The following RAPGEF6 variants were observed in gnomAD, a reference collection of about 807,000 sequenced individuals.
RAPGEF6 encodes the protein Rap guanine nucleotide exchange factor 6.
Under a neutral mutation model 171.4 loss-of-function variants are expected in RAPGEF6, and 56 were observed. That is an observed-to-expected ratio of 0.33 (90% CI 0.26 to 0.41). The LOEUF is 0.41. RAPGEF6 is among the 10% of genes least tolerant of loss of function. RAPGEF6 has a pLI of 1.00. For missense variants in RAPGEF6, 1,674 were observed against 1,921.4 expected, an observed-to-expected ratio of 0.87 and a Z score of 2.41; for synonymous variants, 692 against 650.1, an observed-to-expected ratio of 1.06 and a Z score of -0.98.
intron 17 of RAPGEF6, among the ~76,000 whole-genome samples, chr5:131,471,795 T>A (rs1754758791): frequency 6.6e-6 from 1 of 152,124 alleles, no homozygotes; most frequent in African/African-American, 2.4e-5. Flanking sequence ...CAATGAAAAT[T>A]ATGCTATAAC....
chr5:131,507,670 T>C (rs1051980726), intron 9 of RAPGEF6, among the ~76,000 whole-genome samples: 4 of 152,150 alleles, frequency 2.6e-5, no homozygotes, highest in Non-Finnish European at 5.9e-5. Context: ...TTCTTTTAAA[T>C]GTATAATAGA....
intron 6 of RAPGEF6, among the ~76,000 whole-genome samples, chr5:131,521,905 TCA>T (rs1580963358): frequency 8.1e-6 from 1 of 122,812 alleles, no homozygotes; most frequent in Non-Finnish European, 1.9e-5. Flanking sequence ...TCTCTCTCTC[TCA>T]CACACACACT....
intron 1 of RAPGEF6, among the ~76,000 whole-genome samples, chr5:131,612,049 T>C (rs977761708): frequency 3.9e-5 from 6 of 152,076 alleles, no homozygotes; most frequent in African/African-American, 1.4e-4. Context: ...TTGTTTTGCT[T>C]TTAGAGACGG....
intron 3 of RAPGEF6, among the ~76,000 whole-genome samples, chr5:131,593,602 T>TA (rs1402547789): frequency 2.0e-5 from 3 of 152,220 alleles, no homozygotes; most frequent in Non-Finnish European, 4.4e-5. Flanking sequence ...TGATAAGTGA[T>TA]ATAAACAATG....
At chr5:131,490,571 A>G (rs1756213297) in intron 14 of RAPGEF6, among the ~76,000 whole-genome samples, 1 of 152,224 alleles carries the variant, frequency 6.6e-6, no homozygotes. Flanking sequence ...AAAGGTACCT[A>G]CAAAAGAAGC....
At chr5:131,627,672 G>C (rs1766021459) in intron 1 of RAPGEF6, among the ~76,000 whole-genome samples, 1 of 152,166 alleles carries the variant, frequency 6.6e-6, no homozygotes. Context: ...ACGCAAAGAA[G>C]TACAGGCATA....
intron 13 of RAPGEF6, among the ~76,000 whole-genome samples, chr5:131,494,466 G>C (rs901250005): frequency 6.6e-6 from 1 of 152,140 alleles, no homozygotes; most frequent in Non-Finnish European, 1.5e-5. Context: ...TTGATATTTA[G>C]GATATGCACT....
chr5:131,608,427 C>T (rs952057183), intron 1 of RAPGEF6, among the ~76,000 whole-genome samples: 2 of 152,100 alleles, frequency 1.3e-5, no homozygotes, highest in Admixed American at 1.3e-4. Flanking sequence ...TCTATTAACT[C>T]TTTTTTTGAC....
In RAPGEF6 at chr5:131,442,439, G is replaced by C. The variant is rs550941224; in HGVS notation, c.3520C>G (p.Gln1174Glu). The C allele has an allele frequency of 9.3e-6, 15 of 1,614,212 alleles. No individual in the cohort carries two copies. In the South Asian group the frequency reaches 1.6e-4, roughly 18 times the overall value. The change falls in exon 23 of 28, where the codon CAA becomes GAA. Residue 1174 changes from glutamine to glutamate, a missense_variant. By Grantham distance (29) the Gln-to-Glu change is conservative. This residue lies in a region of RAPGEF6 where 552 missense variants were observed against 574.2 expected (regional missense o/e 0.96). Coordinates refer to ENST00000509018, the MANE Select transcript of RAPGEF6 (RefSeq NM_016340.6). ...AGCACCTGGCTTACTCTGTGGGGTT[G>C]ATGCAAGTGGGCTTTAGTTGTTTGG... ...AGQTTKAHLH[Q>E]PHRVSQVLQV...
intron 6 of RAPGEF6, among the ~76,000 whole-genome samples, chr5:131,537,240 C>T (rs1461758280): frequency 3.3e-5 from 5 of 152,092 alleles, no homozygotes; most frequent in Admixed American, 6.5e-5. Flanking sequence ...AAAAGTCTTC[C>T]TAATTCTGGT....
In RAPGEF6 at chr5:131,464,212, T is replaced by C. The variant is rs769555814; in HGVS notation, c.2309A>G (p.Asp770Gly). 1.2e-6 allele frequency: 2 copies of C among 1,613,862 alleles called. No individual in the cohort carries two copies. The highest frequency in any genetic ancestry group is 4.5e-5 in the East Asian group (2 of 44,836). The change falls in exon 18 of 28, where the codon GAC becomes GGC. Residue 770 changes from aspartate (D) to glycine (G), a missense_variant. Asp to Gly is a moderately conservative substitution (Grantham distance 94). Coordinates refer to ENST00000509018, the MANE Select transcript of RAPGEF6 (RefSeq NM_016340.6). Reference sequence around the variant, plus strand: ...AAAAACTACTTCTTTAGCTGTGGTGTCTTTACTGATGATAATGTAGCAACT... The same window carrying C: ...AAAAACTACTTCTTTAGCTGTGGTGCCTTTACTGATGATAATGTAGCAACT... ...QQSCYIIISK[D>G]TTAKEVVFHA...
intron 1 of RAPGEF6, among the ~76,000 whole-genome samples, chr5:131,606,127 C>T (rs1021900344): frequency 1.3e-5 from 2 of 151,284 alleles, no homozygotes; most frequent in Non-Finnish European, 1.5e-5. Flanking sequence ...CTGTATGAGG[C>T]CAAGGTGGGT....
intron 16 of RAPGEF6, among the ~76,000 whole-genome samples, chr5:131,479,032 C>T (rs1208721117): frequency 6.6e-6 from 1 of 151,992 alleles, no homozygotes; most frequent in Admixed American, 6.5e-5. Context: ...TTTTACAGAC[C>T]TTAATTTACA....
intron 4 of RAPGEF6, among the ~76,000 whole-genome samples, chr5:131,574,065 C>T (rs1226999220): frequency 6.6e-6 from 1 of 152,168 alleles, no homozygotes; most frequent in Non-Finnish European, 1.5e-5. Context: ...ATGTCTCCAG[C>T]ATACAAAACC....
chr5:131,586,626 A>G (rs1763274086), intron 4 of RAPGEF6, among the ~76,000 whole-genome samples: 1 of 152,176 alleles, frequency 6.6e-6, no homozygotes, highest in African/African-American at 2.4e-5. Context: ...GTAAGACTCT[A>G]TCTTAAAAAA....
Position 131,549,378 on chromosome 5 carries a change from A to G in RAPGEF6, c.352-1188T>C, listed in dbSNP as rs748437173. Reference sequence around the variant, plus strand: ...CACCCAAACACAGTGGTGCCCCCTTATCTGAGGGGGATACATTCCATGATC... The same window carrying G: ...CACCCAAACACAGTGGTGCCCCCTTGTCTGAGGGGGATACATTCCATGATC... On this transcript the variant is annotated intron_variant, in intron 5 of 27. Transcript: ENST00000509018. 1.4e-4 allele frequency among the ~76,000 whole-genome samples: 21 copies of G among 152,248 alleles called. 1 individual carries two copies. In the Middle Eastern group the frequency reaches 0.027, roughly 197 times the overall value.
intron 1 of RAPGEF6, among the ~76,000 whole-genome samples, chr5:131,611,412 G>T (rs1263970113): frequency 6.6e-6 from 1 of 152,188 alleles, no homozygotes; most frequent in East Asian, 1.9e-4. Flanking sequence ...GCTCACACCT[G>T]TAATCCCAAT....
intron 22 of RAPGEF6, 21 bp from the exon 23 acceptor site, chr5:131,442,558 A>G: frequency 6.2e-7 from 1 of 1,611,396 alleles, no homozygotes; most frequent in Non-Finnish European, 8.5e-7. Context: ...AGAGTAAGAA[A>G]TAAGTAACTG....
chr5:131,475,944 A>G (rs993591956), intron 16 of RAPGEF6, among the ~76,000 whole-genome samples: 3 of 152,228 alleles, frequency 2.0e-5, no homozygotes, highest in African/African-American at 7.2e-5. Flanking sequence ...TCTGGCACAC[A>G]GGAGATGCTC....
Sources: gnomAD v4.1 joint callset for allele counts (sites outside exome capture counted in the v4.1 genomes callset) on GRCh38, gnomAD v4.1.1 for gene constraint, gnomAD v4.1.1 regional missense constraint, MANE v1.5 for transcripts, NCBI Gene and HGNC (gene_info 2026-07-23, HGNC 2026-07-21) for gene names.